Variants in AMBRA1 observed in about 807,000 individuals in gnomAD.
AMBRA1 encodes the protein activating molecule in BECN1-regulated autophagy protein 1.
A neutral mutation model predicts 125.4 loss-of-function variants in AMBRA1; 47 were observed. That is an observed-to-expected ratio of 0.37 (90% CI 0.30 to 0.48). The LOEUF is 0.48. Among genes scored for constraint, AMBRA1 ranks in the 20% least tolerant of loss-of-function variants. The pLI is 0.99. For synonymous variants in AMBRA1, 626 were observed against 655.5 expected (o/e 0.95, Z 0.69); for missense variants, 1,331 against 1,693.4 (o/e 0.79, Z 3.76).
chr11:46,477,880 A>T (rs933002475), intron 11 of AMBRA1, among the ~76,000 whole-genome samples: 6 of 152,098 alleles, frequency 3.9e-5, no homozygotes, highest in African/African-American at 1.4e-4. Flanking sequence ...GTTCGAGACC[A>T]GCCTGGTCAA....
chr11:46,468,716 G>A (rs1949439439), intron 11 of AMBRA1, among the ~76,000 whole-genome samples: 1 of 151,770 alleles, frequency 6.6e-6, no homozygotes, highest in African/African-American at 2.4e-5. Context: ...GGAGGCTGAG[G>A]CAGGAGAATG....
intron 1 of AMBRA1, among the ~76,000 whole-genome samples, chr11:46,572,190 ACTCGGG>A (rs2043790049): frequency 6.6e-5 from 10 of 151,954 alleles, no homozygotes; most frequent in Admixed American, 6.6e-4. Context: ...AATCCCAGCT[ACTCGGG>A]AGGCTAAGGC....
chr11:46,590,999 G>A (rs1047319071), intron 1 of AMBRA1: 1 of 151,926 alleles, frequency 6.6e-6, no homozygotes, highest in Non-Finnish European at 1.5e-5. Context: ...AAGTTGATAA[G>A]CTCTATCCCT....
intron 13 of AMBRA1, 44 bp from the exon 14 acceptor site, chr11:46,433,672 C>T: frequency 1.9e-6 from 3 of 1,589,618 alleles, no homozygotes; most frequent in Non-Finnish European, 2.6e-6. Flanking sequence ...GGCTTCTGGC[C>T]ATTCCAAGGA....
At chr11:46,568,674 A>AG (rs2043630094) in intron 1 of AMBRA1, among the ~76,000 whole-genome samples, 1 of 149,964 alleles carries the variant, frequency 6.7e-6, no homozygotes, top group African/African-American at 2.5e-5. Context: ...CAGGAGGCTG[A>AG]GGCAAGAGAA....
chr11:46,513,942 CA>C (rs1439478718), intron 7 of AMBRA1, among the ~76,000 whole-genome samples: 1 of 151,494 alleles, frequency 6.6e-6, no homozygotes, highest in African/African-American at 2.4e-5. Context: ...AAACACGGCC[CA>C]GGGGCTCCCT....
intron 15 of AMBRA1, among the ~76,000 whole-genome samples, chr11:46,410,916 C>T (rs750610003): frequency 3.3e-5 from 5 of 152,168 alleles, no homozygotes; most frequent in Non-Finnish European, 7.4e-5. Context: ...TCCTGGCCAA[C>T]ATTGTGAAAC....
At chr11:46,545,172 G>GC (rs1952953099) in intron 5 of AMBRA1, among the ~76,000 whole-genome samples, 1 of 138,708 alleles carries the variant, frequency 7.2e-6, no homozygotes, top group African/African-American at 2.8e-5. Flanking sequence ...GGGGGGGGGG[G>GC]GGTGGTGGTG....
At chr11:46,557,391 T>G (rs1316841711) in intron 1 of AMBRA1, among the ~76,000 whole-genome samples, 1 of 152,002 alleles carries the variant, frequency 6.6e-6, no homozygotes, top group African/African-American at 2.4e-5. Flanking sequence ...CACAAAGCCC[T>G]GTAAACAGTC....
At chr11:46,411,177 T>G (rs1414594092) in intron 15 of AMBRA1, among the ~76,000 whole-genome samples, 1 of 149,928 alleles carries the variant, frequency 6.7e-6, no homozygotes, top group Non-Finnish European at 1.5e-5. Flanking sequence ...CTCTCGCCCC[T>G]GGGGCGGCCT....
At chr11:46,538,488 C>G (rs1391491947) in intron 7 of AMBRA1, among the ~76,000 whole-genome samples, 1 of 151,850 alleles carries the variant, frequency 6.6e-6, no homozygotes, top group Non-Finnish European at 1.5e-5. Context: ...ATGGTACATC[C>G]TTAATAGTTT....
intron 1 of AMBRA1, 82 bp from the exon 2 acceptor site, chr11:46,548,582 G>T: frequency 8.6e-6 from 5 of 583,344 alleles, no homozygotes; most frequent in Non-Finnish European, 1.1e-5. Flanking sequence ...AGCTCAAAAG[G>T]GAAATTATAC....
intron 9 of AMBRA1, among the ~76,000 whole-genome samples, chr11:46,506,479 G>C (rs1190506979): frequency 6.6e-6 from 1 of 152,210 alleles, no homozygotes; most frequent in East Asian, 1.9e-4. Flanking sequence ...TTCTGGCAAA[G>C]AGATTTCTTA....
chr11:46,434,864 A>G lies in AMBRA1; in HGVS notation c.2806T>C (p.Tyr936His), dbSNP rs765895666. 1 of 1,610,124 alleles carries G rather than the reference A, an allele frequency of 6.2e-7. No homozygotes were observed. The highest frequency in any genetic ancestry group is 2.2e-5 in the East Asian group (1 of 44,854). ...TATCCCTTACCAAATCGCTTGGTGTAGAGCATTTCGCCCAGGTTATGGGGG... is the reference window on the plus strand; with the variant it reads ...TATCCCTTACCAAATCGCTTGGTGTGGAGCATTTCGCCCAGGTTATGGGGG... ...LAPHNLGEMLYTKRFGPNAIS... is the reference protein window; with the variant it reads ...LAPHNLGEMLHTKRFGPNAIS... Residue 936 changes from tyrosine (Y) to histidine (H), a missense_variant, in exon 13 of 18, where the codon TAC becomes CAC. This residue lies in a region of AMBRA1 where 354 missense variants were observed against 532.7 expected (regional missense o/e 0.66). Transcript: ENST00000683756.
chr11:46,492,865 C>A (rs564391873), intron 11 of AMBRA1, among the ~76,000 whole-genome samples: 2 of 152,126 alleles, frequency 1.3e-5, no homozygotes, highest in African/African-American at 4.8e-5. Context: ...CTGGCTAACA[C>A]GTTGAAACCC....
At position 46,542,156 on chromosome 11, in the gene AMBRA1, G is replaced by A. The variant is rs148732206; in HGVS notation, c.1861C>T (p.Arg621Trp). 1.2e-5 allele frequency: 20 copies of A among 1,613,476 alleles called. No individual in the cohort carries two copies. The highest frequency in any genetic ancestry group is 4.5e-5 in the East Asian group (2 of 44,858). ...SSGSQLPPLERTEGQTPSSSR... is the reference protein window; with the variant it reads ...SSGSQLPPLEWTEGQTPSSSR... Reference sequence around the variant, plus strand: ...GAGCTGGGCGTTTGGCCCTCAGTCCGCTCGAGAGGTGGCAACTGGCTGCCA... The same window carrying A: ...GAGCTGGGCGTTTGGCCCTCAGTCCACTCGAGAGGTGGCAACTGGCTGCCA... The change falls in exon 7 of 18, where the codon CGG becomes TGG. Residue 621 changes from arginine to tryptophan, a missense_variant. Around this residue, in one of 4 missense-constraint regions of AMBRA1, gnomAD observed 689 missense variants for 776.5 expected, o/e 0.89. Transcript: ENST00000683756. This position sits in a 1 kb window ranked among gnomAD's most constrained non-coding sequence, Gnocchi z 5.9.
At chr11:46,471,638 T>G (rs1380489920) in intron 11 of AMBRA1, among the ~76,000 whole-genome samples, 2 of 144,194 alleles carry the variant, frequency 1.4e-5, no homozygotes, top group Non-Finnish European at 3.0e-5. Flanking sequence ...TTTTGTTTTG[T>G]TTTTTTTTTA....
rs544558071 is a variant in AMBRA1 at position 46,464,860 on chromosome 11, C to A, written c.2522-21262G>T. ...AAGAGTTTGAGACCATCCTGGCCAACAGGGTGAAACCCCGTCTCTACTAAA... is the reference window on the plus strand; with the variant it reads ...AAGAGTTTGAGACCATCCTGGCCAAAAGGGTGAAACCCCGTCTCTACTAAA... On this transcript the variant is annotated intron_variant, in intron 11 of 17. Coordinates refer to ENST00000683756, the MANE Select transcript of AMBRA1 (RefSeq NM_001387011.1). Among the ~76,000 whole-genome samples the A allele has an allele frequency of 3.3e-5, 5 of 152,058 alleles. No individual in the cohort carries two copies. The South Asian group carries it at 6.2e-4, about 19-fold the overall frequency.
intron 1 of AMBRA1, among the ~76,000 whole-genome samples, chr11:46,591,941 A>G (rs1269384354): frequency 8.7e-6 from 1 of 115,134 alleles, no homozygotes; most frequent in Admixed American, 9.1e-5. Flanking sequence ...CTCAAGACTG[A>G]TTTTTTTTTT....
Sources: allele counts gnomAD v4.1 joint callset (sites outside exome capture counted in the v4.1 genomes callset), GRCh38; gene constraint gnomAD v4.1.1; regional missense constraint gnomAD v4.1.1; non-coding constraint Gnocchi (gnomAD v3.1); transcripts MANE v1.5; gene names NCBI Gene and HGNC (gene_info 2026-07-23, HGNC 2026-07-21).